The following SRGAP3 variants were observed in gnomAD, a reference collection of about 807,000 sequenced individuals.
SRGAP3 encodes SLIT-ROBO Rho GTPase-activating protein 3.
Under a neutral mutation model 121.1 loss-of-function variants are expected in SRGAP3, and 39 were observed. The observed-to-expected ratio is 0.32, with a 90% confidence interval of 0.25 to 0.42. The LOEUF (loss-of-function observed/expected upper bound fraction) is 0.42, where lower values mean the gene tolerates loss of function less well. Ranked by LOEUF, SRGAP3 falls within the 10% of genes least tolerant of loss-of-function variation. SRGAP3 has a pLI of 1.00. For synonymous variants in SRGAP3, 601 were observed against 570.0 expected (o/e 1.05, Z -0.77); for missense variants, 1,213 against 1,470.6 (o/e 0.82, Z 2.86).
intron 3 of SRGAP3, 136 bp from the exon 4 acceptor site, chr3:9,080,223 G>C (rs1560098956): frequency 1.3e-6 from 1 of 771,936 alleles, no homozygotes; most frequent in Non-Finnish European, 2.2e-6. Flanking sequence ...AAATTTCATT[G>C]ATCTACAACA....
intron 1 of SRGAP3, among the ~76,000 whole-genome samples, chr3:9,200,238 C>T (rs1349677626): frequency 6.6e-6 from 1 of 152,102 alleles, no homozygotes; most frequent in Non-Finnish European, 1.5e-5. Flanking sequence ...GATAAATAAG[C>T]TATATTATCA....
At chr3:9,068,389 C>T (rs1475398066) in intron 4 of SRGAP3, among the ~76,000 whole-genome samples, 1 of 152,142 alleles carries the variant, frequency 6.6e-6, no homozygotes, top group African/African-American at 2.4e-5. Context: ...TCTTCTTGAG[C>T]CACAGAGTAC....
intron 1 of SRGAP3, among the ~76,000 whole-genome samples, chr3:9,219,869 C>T (rs62244900): frequency 0.044 from 6,685 of 152,124 alleles, 165 homozygotes; most frequent in African/African-American, 0.056. Context: ...GAATGAAATC[C>T]TGTCATTTGC....
intron 18 of SRGAP3, chr3:9,007,142 G>A (rs146533722): frequency 6.6e-6 from 1 of 150,852 alleles, no homozygotes; most frequent in African/African-American, 2.4e-5. Context: ...TTGTATTTTG[G>A]TTTTTTTTGT....
chr3:8,993,506 G>T (rs1436912434), intron 19 of SRGAP3, among the ~76,000 whole-genome samples: 2 of 152,204 alleles, frequency 1.3e-5, no homozygotes, highest in African/African-American at 4.8e-5. Flanking sequence ...CAGGGCTTGG[G>T]CTACTGTGAG....
intron 1 of SRGAP3, among the ~76,000 whole-genome samples, chr3:9,237,144 A>G (rs1011298089): frequency 2.6e-5 from 4 of 152,228 alleles, no homozygotes; most frequent in Non-Finnish European, 4.4e-5. Context: ...GCACCCCAAA[A>G]CGTAATATCT....
rs554357657 is a variant in SRGAP3, at chr3:9,044,696, C to T, written c.1408+2695G>A. On this transcript the variant is annotated intron_variant, in intron 10 of 21. Transcript: ENST00000383836. Reference sequence around the variant, plus strand: ...AAAGGCCACTGACGCAGCTGTAACGCTACCCTACTCTTAGAAGAGAATCCT... The same window carrying T: ...AAAGGCCACTGACGCAGCTGTAACGTTACCCTACTCTTAGAAGAGAATCCT... Among the ~76,000 whole-genome samples the T allele has an allele frequency of 3.9e-5, 6 of 152,288 alleles. No individual in the cohort carries two copies. The South Asian group carries it at 1.2e-3, about 32-fold the overall frequency.
At chr3:9,053,548 T>C (rs1945683820) in intron 8 of SRGAP3, among the ~76,000 whole-genome samples, 1 of 152,210 alleles carries the variant, frequency 6.6e-6, no homozygotes, top group Admixed American at 6.5e-5. Flanking sequence ...AGCCTAATTA[T>C]GTAACTCAAA....
intron 3 of SRGAP3, among the ~76,000 whole-genome samples, chr3:9,311,871 T>A (rs1424574584): frequency 6.6e-6 from 1 of 152,200 alleles, no homozygotes; most frequent in Non-Finnish European, 1.5e-5. Context: ...ACTAGAAATA[T>A]TTTCTGTGTC....
At chr3:9,046,202 C>T (rs1945269826) in intron 10 of SRGAP3, among the ~76,000 whole-genome samples, 1 of 152,034 alleles carries the variant, frequency 6.6e-6, no homozygotes, top group Non-Finnish European at 1.5e-5. Flanking sequence ...TTATTTCCGT[C>T]AGCCCCCAAA....
chr3:9,056,412 T>G (rs1380184953), intron 7 of SRGAP3, 78 bp from the exon 8 acceptor site: 19 of 1,440,428 alleles, frequency 1.3e-5, no homozygotes, highest in Non-Finnish European at 1.8e-5. Flanking sequence ...GGGCTACCAT[T>G]AACATCCCAA....
At chr3:9,091,027 T>C (rs1441693881) in intron 3 of SRGAP3, among the ~76,000 whole-genome samples, 3 of 128,556 alleles carry the variant, frequency 2.3e-5, no homozygotes, top group African/African-American at 7.7e-5. Flanking sequence ...ATTCTCTATG[T>C]CTAAAAAAAA....
At position 9,287,997 on chromosome 3, in the gene SRGAP3, C is replaced by T. The variant is rs112204596; in HGVS notation, n.442+38013G>A. ...GAATGTATGGACAGGTATCTTTCAC[C>T]AGTACTGAAAAATTCTTAACCACTA... On this transcript the variant is annotated intron_variant and non_coding_transcript_variant, in intron 3 of 3. Coordinates refer to the SRGAP3 transcript ENST00000490889. 3.0e-3 allele frequency among the ~76,000 whole-genome samples: 457 copies of T among 152,144 alleles called. 3 individuals are homozygous for T. Among genetic ancestry groups the T allele is most frequent in the Non-Finnish European group, 4.8e-3 (323 of 67,978 alleles).
chr3:9,287,601 T>C (rs1471335331), intron 3 of SRGAP3, among the ~76,000 whole-genome samples: 1 of 152,122 alleles, frequency 6.6e-6, no homozygotes, highest in African/African-American at 2.4e-5. Context: ...GTGGAGCCTA[T>C]AAAAGGCAGG....
chr3:9,229,361 T>C (rs1455689069), intron 1 of SRGAP3, among the ~76,000 whole-genome samples: 1 of 151,844 alleles, frequency 6.6e-6, no homozygotes, highest in African/African-American at 2.4e-5. Context: ...AGGAAAGGGG[T>C]CAGATACTCC....
At chr3:9,040,653 T>A (rs1264776555) in intron 10 of SRGAP3, among the ~76,000 whole-genome samples, 1 of 152,158 alleles carries the variant, frequency 6.6e-6, no homozygotes, top group Non-Finnish European at 1.5e-5. Flanking sequence ...AACCTCAGTC[T>A]CCTGGGCTCA....
intron 1 of SRGAP3, among the ~76,000 whole-genome samples, chr3:9,233,147 CTT>C (rs2125224123): frequency 6.6e-6 from 1 of 152,290 alleles, no homozygotes. Context: ...GAAATTCTGA[CTT>C]ATGTTATTTC....
chr3:9,032,802 T>C lies in SRGAP3; in HGVS notation c.1437-50A>G, dbSNP rs777129469. ...ATCAAGAAAGCAACCAACATAAACA[T>C]ACAACTGGGAAAGATGCTCTTAAAA... On this transcript the variant is annotated intron_variant, in intron 11 of 21. Coordinates refer to ENST00000383836, the MANE Select transcript of SRGAP3 (RefSeq NM_014850.4). 4.6e-6 allele frequency: 7 copies of C among 1,529,734 alleles called. No individual in the cohort carries two copies. The African/African-American group carries it at 6.8e-5, about 15-fold the overall frequency. 94.8% of individuals were successfully genotyped at this position (1,529,734 alleles called of 1,614,324 possible). A position where few individuals can be genotyped will look rare whatever the true frequency, so the allele number is the denominator to read the frequency against.
At position 8,985,989 on chromosome 3, in the gene SRGAP3, C is replaced by A; in HGVS notation, c.2887-57G>T. On this transcript the variant is annotated intron_variant, in intron 21 of 21. Transcript: ENST00000383836. The surrounding 1 kb of genome is among the most constrained non-coding windows in gnomAD (Gnocchi z 5.1). ...TCTGGAGACCTGGAGTCAGGTCCTT[C>A]CTGTCTGCTAAGCAGCTTCCCTTCG... 1 of 1,598,862 alleles carries A rather than the reference C, an allele frequency of 6.3e-7. No individual in the cohort carries two copies. Among genetic ancestry groups the A allele is most frequent in the Admixed American group, 1.7e-5 (1 of 59,940 alleles).
Sources: allele counts gnomAD v4.1 joint callset (sites outside exome capture counted in the v4.1 genomes callset), GRCh38; gene constraint gnomAD v4.1.1; non-coding constraint Gnocchi (gnomAD v3.1); transcripts MANE v1.5; gene names NCBI Gene and HGNC (gene_info 2026-07-23, HGNC 2026-07-21).